PDK3: variants seen among roughly 807,000 people sequenced by gnomAD.
PDK3 encodes the protein pyruvate dehydrogenase kinase 3, also known as pyruvate dehydrogenase kinase, isozyme 3.
In PDK3, 12 loss-of-function variants were observed where a neutral mutation model predicts 32.0. The ratio of observed to expected loss-of-function variants is 0.37; its 90% CI spans 0.24 to 0.61. The LOEUF (loss-of-function observed/expected upper bound fraction) is 0.61, where lower values mean the gene tolerates loss of function less well. PDK3 is among the 20% of genes least tolerant of loss of function. The pLI, the probability that PDK3 is intolerant of heterozygous loss-of-function variation, is 0.65. For synonymous variants in PDK3, 122 were observed against 116.3 expected, an observed-to-expected ratio of 1.05 and a Z score of -0.31; for missense variants, 188 against 316.9, an observed-to-expected ratio of 0.59 and a Z score of 3.09.
Position 24,543,435 on chromosome X carries a change from ATTTATTTTATTTTAT to A in PDK3, c.*4285_*4299del, listed in dbSNP as rs760124624. Among the ~76,000 whole-genome samples the A allele has an allele frequency of 3.0e-3, 328 of 109,916 alleles. 2 individuals are homozygous for A. Among genetic ancestry groups the A allele is most frequent in the African/African-American group, 9.8e-3 (297 of 30,253 alleles). The stretch of plus-strand genomic sequence containing the variant: ...TGGCTTCCACTTCTGTTACAGTTTT[ATTTATTTTATTTTAT>A]TTTATTTTATTTTTTTCAAGATAGT... On this transcript the variant is annotated 3_prime_UTR_variant, in exon 12 of 12. Transcript: ENST00000568479.
At chrX:24,508,773 C>G (rs747615001) in intron 5 of PDK3, among the ~76,000 whole-genome samples, 1 of 111,069 alleles carries the variant, frequency 9.0e-6, no homozygotes, top group African/African-American at 3.3e-5. Context: ...AGTGCAATGG[C>G]GTGATCTCGG....
exon 12 of PDK3, among the ~76,000 whole-genome samples, chrX:24,540,953 A>AGGCTG (rs1434376542): frequency 2.6e-5 from 2 of 75,597 alleles, no homozygotes; most frequent in African/African-American, 1.1e-4. Flanking sequence ...TCTGTCCCCT[A>AGGCTG]GGCTGGAGTG....
intron 1 of PDK3, among the ~76,000 whole-genome samples, chrX:24,467,881 C>A (rs1160471213): frequency 3.6e-5 from 4 of 111,566 alleles, no homozygotes; most frequent in Non-Finnish European, 7.5e-5. Context: ...AGTTGAGGAC[C>A]GTGATAAATT....
At chrX:24,494,963 T>C in intron 2 of PDK3, 80 bp downstream of exon 2, 1 of 826,185 alleles carries the variant, frequency 1.2e-6, no homozygotes, top group Non-Finnish European at 1.8e-6. Flanking sequence ...TCTGTAAAAG[T>C]GCACATACTG....
At position 24,527,528 on chromosome X, in the gene PDK3, T is replaced by G. The variant is rs934599563; in HGVS notation, c.751-46T>G. 8.9e-6 allele frequency: 7 copies of G among 787,291 alleles called. No individual in the cohort carries two copies. The African/African-American group carries it at 1.5e-4, about 17-fold the overall frequency. 64.9% of individuals were successfully genotyped at this position (787,291 alleles called of 1,213,427 possible). A position where few individuals can be genotyped will look rare whatever the true frequency, so the allele number is the denominator to read the frequency against. On this transcript the variant is annotated intron_variant, in intron 7 of 10. Transcript: ENST00000379162. ...GCTTCTTTCTCTTTAAAAATTGTGG[T>G]TTGTGATTCGGCAGTATGATTAATA...
At position 24,477,636 on chromosome X, in the gene PDK3, C is replaced by A. The variant is rs143383600; in HGVS notation, c.106+12075C>A. 6.4e-3 allele frequency among the ~76,000 whole-genome samples: 712 copies of A among 111,243 alleles called. 13 individuals carry two copies. The highest frequency in any genetic ancestry group is 0.049 in the Admixed American group (504 of 10,380). ...TGCTCAGTGTTACCTATATCATTTA[C>A]GGTGCTTTTATCATGGTCAGATTTG... On this transcript the variant is annotated intron_variant, in intron 1 of 10. Transcript: ENST00000379162.
At chrX:24,546,021 TTC>T (rs1168097047) in exon 12 of PDK3, 6 of 112,173 alleles carry the variant, frequency 5.3e-5, no homozygotes, top group African/African-American at 1.9e-4. Context: ...GTGTTAGTGA[TTC>T]CTGAGTTTTT....
At chrX:24,506,797 CTTTCT>C (rs1921989602) in intron 5 of PDK3, among the ~76,000 whole-genome samples, 3 of 49,859 alleles carry the variant, frequency 6.0e-5, no homozygotes, top group African/African-American at 2.5e-4. Flanking sequence ...TTGTTTTTTT[CTTTCT>C]TTTTTTTTTT....
At chrX:24,547,774 T>A (rs948274254) in exon 12 of PDK3, 6 of 112,779 alleles carry the variant, frequency 5.3e-5, no homozygotes, top group African/African-American at 1.9e-4. Context: ...TAACTTTGTG[T>A]GTATTGTAAG....
chrX:24,481,447 G>A (rs1054782292), intron 1 of PDK3, among the ~76,000 whole-genome samples: 3 of 112,084 alleles, frequency 2.7e-5, no homozygotes, highest in African/African-American at 9.7e-5. Context: ...TAACTGTATA[G>A]AGAGACAAAC....
intron 9 of PDK3, among the ~76,000 whole-genome samples, chrX:24,530,736 A>AT (rs1395597665): frequency 1.8e-5 from 2 of 111,910 alleles, no homozygotes; most frequent in Non-Finnish European, 3.8e-5. Flanking sequence ...GTTCTTGTCC[A>AT]TAGAACACCT....
exon 12 of PDK3, among the ~76,000 whole-genome samples, chrX:24,544,697 A>C (rs1045816860): frequency 1.8e-5 from 2 of 111,919 alleles, no homozygotes; most frequent in Admixed American, 1.9e-4. Flanking sequence ...TCTGTCAGAC[A>C]TTGCCCTGGA....
chrX:24,490,654 G>A (rs764702601), intron 1 of PDK3, among the ~76,000 whole-genome samples: 2 of 111,636 alleles, frequency 1.8e-5, no homozygotes, highest in African/African-American at 6.5e-5. Context: ...CAGCTATGTT[G>A]TGGCTCTCTA....
chrX:24,522,597 C>T lies in PDK3; in HGVS notation c.673+3587C>T, dbSNP rs373811632. Reference sequence around the variant, plus strand: ...TAAACTGAGCACCCAGCTTGTTCCTCGAGCCCCATTAAAATGACAATAAAG... The same window carrying T: ...TAAACTGAGCACCCAGCTTGTTCCTTGAGCCCCATTAAAATGACAATAAAG... On this transcript the variant is annotated intron_variant, in intron 6 of 10. Coordinates refer to ENST00000379162, the MANE Select transcript of PDK3 (RefSeq NM_005391.5). 1.2e-4 allele frequency among the ~76,000 whole-genome samples: 13 copies of T among 111,418 alleles called. No homozygotes were observed. In the East Asian group the frequency reaches 2.8e-3, roughly 24 times the overall value.
intron 2 of PDK3, 65 bp downstream of exon 2, chrX:24,494,948 C>G: frequency 9.8e-7 from 1 of 1,022,376 alleles, no homozygotes; most frequent in Non-Finnish European, 1.4e-6. Flanking sequence ...GCAGCGAGAC[C>G]ATTCTCTGTA....
intron 1 of PDK3, among the ~76,000 whole-genome samples, chrX:24,483,543 G>A (rs1921315134): frequency 1.8e-5 from 2 of 111,976 alleles, no homozygotes; most frequent in South Asian, 7.3e-4. Context: ...CTCTTCTCAT[G>A]ATTTTAAGGA....
chrX:24,533,288 C>T (rs942617189), intron 10 of PDK3, among the ~76,000 whole-genome samples: 2 of 109,045 alleles, frequency 1.8e-5, no homozygotes, highest in East Asian at 2.9e-4. Context: ...AGGTGTGAGC[C>T]ACCACACCCG....
intron 1 of PDK3, among the ~76,000 whole-genome samples, chrX:24,469,720 G>C (rs188646451): frequency 2.2e-4 from 25 of 111,649 alleles, no homozygotes; most frequent in Non-Finnish European, 7.5e-5. Flanking sequence ...CTTGAGCCCA[G>C]ATTGAAGCTG....
intron 8 of PDK3, 106 bp from the exon 9 acceptor site, chrX:24,527,970 A>G: frequency 2.0e-6 from 1 of 500,456 alleles, no homozygotes. Context: ...AAGTCCTTGT[A>G]CATTGTGGAG....
Sources: allele counts gnomAD v4.1 joint callset (sites outside exome capture counted in the v4.1 genomes callset), GRCh38; gene constraint gnomAD v4.1.1; transcripts MANE v1.5; gene names NCBI Gene and HGNC (gene_info 2026-07-23, HGNC 2026-07-21).